Variants in ARL3 observed in about 807,000 individuals in gnomAD.
ARL3 encodes ADP-ribosylation factor-like protein 3.
A neutral mutation model predicts 26.0 loss-of-function variants in ARL3; 9 were observed. That is an observed-to-expected ratio of 0.35 (90% CI 0.21 to 0.60). The LOEUF is 0.60. Ranked by LOEUF, ARL3 falls within the 20% of genes least tolerant of loss-of-function variation. The pLI, the probability that ARL3 is intolerant of heterozygous loss-of-function variation, is 0.78. For missense variants in ARL3, 158 were observed against 215.7 expected, an observed-to-expected ratio of 0.73 and a Z score of 1.67; for synonymous variants, 71 against 78.4, an observed-to-expected ratio of 0.91 and a Z score of 0.50.
chr10:102,688,759 T>G (rs957100078), intron 4 of ARL3, among the ~76,000 whole-genome samples: 1 of 152,052 alleles, frequency 6.6e-6, no homozygotes, highest in Non-Finnish European at 1.5e-5. Context: ...CACCTCAGCC[T>G]CCCAAAGGGC....
At chr10:102,677,062 G>A in intron 5 of ARL3, 121 bp from the exon 6 acceptor site, 1 of 1,143,216 alleles carries the variant, frequency 8.7e-7, no homozygotes, top group Non-Finnish European at 1.3e-6. Flanking sequence ...CAGCTTTAGG[G>A]AGTTTGCTTG....
Position 102,705,033 on chromosome 10 carries a change from C to T in ARL3, c.147+313G>A, listed in dbSNP as rs150712341. On this transcript the variant is annotated intron_variant, in intron 2 of 5. Coordinates refer to ENST00000260746, the MANE Select transcript of ARL3 (RefSeq NM_004311.4). Reference sequence around the variant, plus strand: ...CATTAAATACATTCACACTGTGGGCCGTTACCCACAGAACTCTTTCCATCT... The same window carrying T: ...CATTAAATACATTCACACTGTGGGCTGTTACCCACAGAACTCTTTCCATCT... Among the ~76,000 whole-genome samples the T allele has an allele frequency of 4.3e-3, 648 of 152,242 alleles. 7 individuals carry two copies. The highest frequency in any genetic ancestry group is 0.015 in the African/African-American group (614 of 41,512).
At chr10:102,689,034 C>G (rs1590121858) in intron 4 of ARL3, among the ~76,000 whole-genome samples, 1 of 152,104 alleles carries the variant, frequency 6.6e-6, no homozygotes, top group Admixed American at 6.6e-5. Flanking sequence ...AATTAGAAAA[C>G]TGTTTAGGCT....
chr10:102,678,494 C>T (rs952365427), intron 5 of ARL3, among the ~76,000 whole-genome samples: 5 of 152,126 alleles, frequency 3.3e-5, no homozygotes, highest in African/African-American at 4.8e-5. Context: ...CATCTTCTCT[C>T]GCCTGGGAAG....
chr10:102,713,206 C>T (rs1306308145), intron 1 of ARL3, among the ~76,000 whole-genome samples: 3 of 151,924 alleles, frequency 2.0e-5, no homozygotes, highest in African/African-American at 4.8e-5. Context: ...TTGCAGCCAA[C>T]TAACCTGCTT....
At chr10:102,700,615 C>T (rs894082469) in intron 2 of ARL3, among the ~76,000 whole-genome samples, 12 of 151,240 alleles carry the variant, frequency 7.9e-5, no homozygotes, top group African/African-American at 2.9e-4. Context: ...CAGGCGCCTG[C>T]CACCACACCC....
intron 3 of ARL3, among the ~76,000 whole-genome samples, chr10:102,696,652 G>A (rs187988052): frequency 2.2e-4 from 34 of 152,302 alleles, no homozygotes; most frequent in African/African-American, 7.9e-4. Context: ...TACGTCTGAT[G>A]GCAATAGGTA....
intron 1 of ARL3, among the ~76,000 whole-genome samples, chr10:102,706,885 T>G (rs2064313532): frequency 6.6e-6 from 1 of 152,078 alleles, no homozygotes. Flanking sequence ...TTAGCCAGGC[T>G]GGTCTTGAAC....
At chr10:102,703,425 C>CTTTTTTTTTTTTTTTT (rs57721161) in intron 2 of ARL3, among the ~76,000 whole-genome samples, 3 of 48,478 alleles carry the variant, frequency 6.2e-5, no homozygotes, top group Non-Finnish European at 7.5e-5. Context: ...CAGGACTTGT[C>CTTTTTTTTTTTTTTTT]TTTTTTTTTT....
At chr10:102,677,851 C>T (rs931079994) in intron 5 of ARL3, among the ~76,000 whole-genome samples, 7 of 152,092 alleles carry the variant, frequency 4.6e-5, no homozygotes, top group Non-Finnish European at 7.3e-5. Flanking sequence ...CAGAGGCTCA[C>T]GGAGGTCCCA....
In ARL3 at chr10:102,705,495, A is replaced by G. The variant is rs749644420; in HGVS notation, c.4-6T>C. On this transcript the variant is annotated splice_region_variant and splice_polypyrimidine_tract_variant and intron_variant, in intron 1 of 5. Coordinates refer to ENST00000260746, the MANE Select transcript of ARL3 (RefSeq NM_004311.4). ...CGCAAAATTGAGAGCAAGCCCTTCA[A>G]CAACCACAAAGGAGACAGATTACTC... 5.1e-6 allele frequency: 8 copies of G among 1,583,080 alleles called. No homozygotes were observed. The highest frequency in any genetic ancestry group is 5.2e-6 in the Non-Finnish European group (6 of 1,156,096).
At chr10:102,682,256 T>G (rs11813786) in intron 5 of ARL3, among the ~76,000 whole-genome samples, 8,178 of 152,134 alleles carry the variant, frequency 0.054, 739 homozygotes, top group African/African-American at 0.19. Flanking sequence ...CAACAGAGTT[T>G]CTGAGATTGA....
At chr10:102,690,886 C>CTT (rs754286740) in intron 3 of ARL3, among the ~76,000 whole-genome samples, 19 of 134,594 alleles carry the variant, frequency 1.4e-4, no homozygotes, top group East Asian at 8.6e-4. Context: ...TTTCAAACCT[C>CTT]TTTTTTTTTT....
At chr10:102,685,509 C>G (rs1404468715) in intron 5 of ARL3, among the ~76,000 whole-genome samples, 1 of 152,160 alleles carries the variant, frequency 6.6e-6, no homozygotes, top group Non-Finnish European at 1.5e-5. Flanking sequence ...TAATATTAGA[C>G]ACAACACAAA....
At chr10:102,711,575 C>A (rs984977789) in intron 1 of ARL3, among the ~76,000 whole-genome samples, 88 of 151,942 alleles carry the variant, frequency 5.8e-4, no homozygotes, top group Non-Finnish European at 1.0e-3. Flanking sequence ...CATGGTGAAA[C>A]CCCGTCTCTA....
At chr10:102,679,902 G>C (rs1376050853) in intron 5 of ARL3, among the ~76,000 whole-genome samples, 1 of 152,144 alleles carries the variant, frequency 6.6e-6, no homozygotes, top group Admixed American at 6.5e-5. Context: ...GGAACCTTCT[G>C]CTTCTTATGT....
At chr10:102,711,513 A>C (rs1414994098) in intron 1 of ARL3, among the ~76,000 whole-genome samples, 1 of 152,058 alleles carries the variant, frequency 6.6e-6, no homozygotes, top group Admixed American at 6.6e-5. Context: ...GCACTTTGGG[A>C]GGCCGAGGCG....
chr10:102,687,168 C>T lies in ARL3; in HGVS notation c.316-1167G>A, dbSNP rs925065457. 4.0e-5 allele frequency among the ~76,000 whole-genome samples: 6 copies of T among 151,742 alleles called. No individual in the cohort carries two copies. The East Asian group carries it at 5.9e-4, about 15-fold the overall frequency. ...TGCTGGGATTACAGGCGTGAGCCAC[C>T]GCGCCCGGCATAGGAATCCACATTT... is the stretch of plus-strand genomic sequence containing the variant. On this transcript the variant is annotated intron_variant, in intron 4 of 5. Coordinates refer to ENST00000260746, the MANE Select transcript of ARL3 (RefSeq NM_004311.4).
At chr10:102,689,345 T>C (rs940773468) in intron 4 of ARL3, among the ~76,000 whole-genome samples, 2 of 151,940 alleles carry the variant, frequency 1.3e-5, no homozygotes, top group African/African-American at 4.8e-5. Context: ...AAAAAAAAAC[T>C]GTTTAAAGAA....
Sources: allele counts gnomAD v4.1 joint callset (sites outside exome capture counted in the v4.1 genomes callset), GRCh38; gene constraint gnomAD v4.1.1; transcripts MANE v1.5; gene names NCBI Gene and HGNC (gene_info 2026-07-23, HGNC 2026-07-21).